Variants in RNLS observed in about 807,000 individuals in gnomAD.
RNLS encodes renalase.
Under a neutral mutation model 39.8 loss-of-function variants are expected in RNLS, and 39 were observed. The observed-to-expected ratio is 0.98, with a 90% CI of 0.76 to 1.28. RNLS has a LOEUF of 1.28. Ranked by LOEUF, RNLS falls within the 50% of genes most tolerant of loss-of-function variation. The probability of loss-of-function intolerance (pLI) is 0.00; values close to 1 mark genes in which losing one functional copy is unlikely to be tolerated. For missense variants in RNLS, 410 were observed against 413.3 expected (o/e 0.99, Z 0.07); for synonymous variants, 147 against 150.7 (o/e 0.98, Z 0.18).
At chr10:88,537,384 T>C (rs1847814989) in intron 4 of RNLS, among the ~76,000 whole-genome samples, 1 of 152,172 alleles carries the variant, frequency 6.6e-6, no homozygotes, top group South Asian at 2.1e-4. Flanking sequence ...CACAAATTGT[T>C]CAACATGAGA....
At chr10:88,551,640 A>G (rs1358901910) in intron 4 of RNLS, among the ~76,000 whole-genome samples, 2 of 152,286 alleles carry the variant, frequency 1.3e-5, no homozygotes, top group African/African-American at 4.8e-5. Flanking sequence ...AAAATCTTTA[A>G]AATATTTTAG....
intron 5 of RNLS, among the ~76,000 whole-genome samples, chr10:88,324,718 T>A (rs1720753925): frequency 6.6e-6 from 1 of 152,174 alleles, no homozygotes; most frequent in Non-Finnish European, 1.5e-5. Context: ...ATTTATTTTT[T>A]AAAAGCCAAC....
the RNLS span, among the ~76,000 whole-genome samples, chr10:88,227,415 A>G: frequency 6.6e-6 from 1 of 152,246 alleles, no homozygotes; most frequent in African/African-American, 2.4e-5. Context: ...CCAGCAGCTT[A>G]TCTAATAACA....
the RNLS span, among the ~76,000 whole-genome samples, chr10:88,187,083 C>T: frequency 6.8e-6 from 1 of 147,274 alleles, no homozygotes; most frequent in Non-Finnish European, 1.5e-5. Context: ...CAGGAGTTGA[C>T]AGAAAGCCCA....
chr10:88,478,800 C>T (rs1385840464), intron 4 of RNLS, among the ~76,000 whole-genome samples: 2 of 152,152 alleles, frequency 1.3e-5, no homozygotes, highest in East Asian at 3.8e-4. Context: ...ATGACTTTTC[C>T]CTTTTCCTGA....
chr10:88,565,634 C>T (rs1849448120), intron 4 of RNLS, among the ~76,000 whole-genome samples: 1 of 151,394 alleles, frequency 6.6e-6, no homozygotes, highest in Admixed American at 6.6e-5. Context: ...TAAACTTTTT[C>T]ATCATAAAGA....
intron 4 of RNLS, among the ~76,000 whole-genome samples, chr10:88,379,178 ATGT>A (rs1851257493): frequency 6.6e-6 from 1 of 152,202 alleles, no homozygotes; most frequent in Non-Finnish European, 1.5e-5. Context: ...ATTAACTGGA[ATGT>A]TGTTGTGTGG....
chr10:88,545,973 A>G (rs1455905147), intron 4 of RNLS, among the ~76,000 whole-genome samples: 1 of 152,186 alleles, frequency 6.6e-6, no homozygotes, highest in Non-Finnish European at 1.5e-5. Flanking sequence ...CATTCAATAA[A>G]TAATTATTAA....
At chr10:88,309,572 T>C (rs992233235) in intron 6 of RNLS, 1 of 781,166 alleles carries the variant, frequency 1.3e-6, no homozygotes, top group East Asian at 6.4e-5. Flanking sequence ...ACTGAGGTAA[T>C]CAGCTGGAAA....
chr10:88,509,716 A>G (rs1845997819), intron 4 of RNLS, among the ~76,000 whole-genome samples: 1 of 151,724 alleles, frequency 6.6e-6, no homozygotes, highest in Non-Finnish European at 1.5e-5. Context: ...CAAGCACATA[A>G]TAAAAAGGTG....
the RNLS span, among the ~76,000 whole-genome samples, chr10:88,231,894 G>C: frequency 3.3e-5 from 5 of 151,980 alleles, no homozygotes; most frequent in African/African-American, 1.2e-4. Context: ...GCCTGCCAGT[G>C]AATAGTTCAG....
At chr10:88,502,104 AG>A (rs1462474541) in intron 4 of RNLS, among the ~76,000 whole-genome samples, 1 of 152,122 alleles carries the variant, frequency 6.6e-6, no homozygotes, top group Non-Finnish European at 1.5e-5. Flanking sequence ...ATATCAAATT[AG>A]GGTCCATCTA....
chr10:88,272,423 A>G (rs1842675057), downstream of RNLS, among the ~76,000 whole-genome samples: 1 of 152,216 alleles, frequency 6.6e-6, no homozygotes, highest in Non-Finnish European at 1.5e-5. Context: ...GAAAAACAAC[A>G]TTGCATTAGT....
At chr10:88,375,069 C>G (rs1037749610) in intron 4 of RNLS, among the ~76,000 whole-genome samples, 3 of 152,028 alleles carry the variant, frequency 2.0e-5, no homozygotes, top group Non-Finnish European at 4.4e-5. Context: ...TTGTTACTCT[C>G]TCTCTTCCTC....
chr10:88,234,295 A>G, the RNLS span, among the ~76,000 whole-genome samples: 1 of 151,936 alleles, frequency 6.6e-6, no homozygotes, highest in African/African-American at 2.4e-5. Flanking sequence ...CATTCTTGGC[A>G]TTGAGACTCT....
intron 4 of RNLS, among the ~76,000 whole-genome samples, chr10:88,366,100 A>G (rs1850078729): frequency 6.6e-6 from 1 of 152,184 alleles, no homozygotes; most frequent in Admixed American, 6.6e-5. Flanking sequence ...GCCATTATAA[A>G]TAAATAATCA....
At chr10:88,497,053 A>C (rs1845213507) in intron 4 of RNLS, among the ~76,000 whole-genome samples, 2 of 152,144 alleles carry the variant, frequency 1.3e-5, no homozygotes, top group South Asian at 4.1e-4. Context: ...GAGTCCCAGG[A>C]AGAATGAACC....
chr10:88,227,041 C>A, the RNLS span, among the ~76,000 whole-genome samples: 2 of 152,170 alleles, frequency 1.3e-5, no homozygotes, highest in African/African-American at 2.4e-5. Context: ...AGAACACAAT[C>A]ATGCCCATTC....
the RNLS span, among the ~76,000 whole-genome samples, chr10:88,184,442 T>G: frequency 6.6e-6 from 1 of 152,162 alleles, no homozygotes; most frequent in Non-Finnish European, 1.5e-5. Context: ...AATTGAATAA[T>G]CAGTATAGGT....
Sources: gnomAD v4.1 joint callset for allele counts (sites outside exome capture counted in the v4.1 genomes callset) on GRCh38, gnomAD v4.1.1 for gene constraint, MANE v1.5 for transcripts, NCBI Gene and HGNC (gene_info 2026-07-23, HGNC 2026-07-21) for gene names.